Variants in USP15 observed in about 807,000 individuals in gnomAD.
The protein encoded by USP15 is ubiquitin specific peptidase 15, also known as ubiquitin carboxyl-terminal hydrolase 15.
In USP15, 18 loss-of-function variants were observed where a neutral mutation model predicts 127.1. The observed-to-expected ratio is 0.14, with a 90% CI of 0.10 to 0.21. The LOEUF is 0.21. Ranked by LOEUF, USP15 falls within the 10% of genes least tolerant of loss-of-function variation. USP15 has a pLI of 1.00. For missense variants in USP15, 805 were observed against 1,159.9 expected, an observed-to-expected ratio of 0.69 and a Z score of 4.44; for synonymous variants, 364 against 393.7, an observed-to-expected ratio of 0.92 and a Z score of 0.89.
At chr12:62,341,434 G>GT (rs2065645953) in intron 6 of USP15, among the ~76,000 whole-genome samples, 2 of 152,136 alleles carry the variant, frequency 1.3e-5, no homozygotes, top group East Asian at 1.9e-4. Context: ...ATGCTAGCTG[G>GT]TTTTTTTGCA....
intron 20 of USP15, among the ~76,000 whole-genome samples, chr12:62,399,737 C>G (rs1027427995): frequency 6.6e-6 from 1 of 152,132 alleles, no homozygotes; most frequent in Admixed American, 6.6e-5. Context: ...TGAAACATTT[C>G]TTCCACATGG....
Position 62,407,380 on chromosome 12 carries a change from A to G in USP15, c.*3005A>G, listed in dbSNP as rs1592753009. The G allele has an allele frequency of 2.0e-5, 3 of 152,194 alleles. No homozygotes were observed. Among genetic ancestry groups the G allele is most frequent in the Admixed American group, 6.5e-5 (1 of 15,272 alleles). The allele number at this position is 152,194 out of a possible 1,614,324, so 9.4% of individuals were successfully genotyped here. On this transcript the variant is annotated 3_prime_UTR_variant, in exon 22 of 22. Coordinates refer to ENST00000280377, the MANE Select transcript of USP15 (RefSeq NM_001252078.2). ...GCCTCATAGGATTGTTGAGAGCTCA[A>G]ATGAGATCATGTATTTTATGGGAAG... is the stretch of plus-strand genomic sequence containing the variant.
At chr12:62,321,993 A>C (rs2064999252) in intron 5 of USP15, among the ~76,000 whole-genome samples, 1 of 152,214 alleles carries the variant, frequency 6.6e-6, no homozygotes, top group Non-Finnish European at 1.5e-5. Flanking sequence ...TGTAGTACAC[A>C]AAAACAAGCA....
In USP15 at chr12:62,390,961, C is replaced by G. The variant is rs1274816589; in HGVS notation, c.1942C>G (p.His648Asp). ...TAATGGGAATGGCCCAAATGGCATA[C>G]ATGAAGAAGGCTCACCAAGTAAGAC... ...NINGNGPNGI[H>D]EEGSPSEMET... Residue 648 changes from histidine (H) to aspartate (D), a missense_variant, in exon 15 of 22, where the codon CAT (histidine) becomes GAT (aspartate). Physicochemically the swap from His to Asp is moderately conservative, Grantham distance 81. This residue lies in a region of USP15 where 225 missense variants were observed against 239.5 expected (regional missense o/e 0.94). Coordinates refer to ENST00000280377, the MANE Select transcript of USP15 (RefSeq NM_001252078.2). 6.2e-7 allele frequency: 1 copy of G among 1,611,950 alleles called. No individual in the cohort carries two copies. Among genetic ancestry groups the G allele is most frequent in the Non-Finnish European group, 8.5e-7 (1 of 1,178,864 alleles).
At chr12:62,371,428 G>A (rs996138871) in intron 8 of USP15, among the ~76,000 whole-genome samples, 2 of 152,042 alleles carry the variant, frequency 1.3e-5, no homozygotes, top group African/African-American at 2.4e-5. Flanking sequence ...AAGCACAGTA[G>A]AACAGTGTTT....
At chr12:62,320,138 A>G (rs1438966149) in intron 4 of USP15, among the ~76,000 whole-genome samples, 1 of 152,104 alleles carries the variant, frequency 6.6e-6, no homozygotes, top group Non-Finnish European at 1.5e-5. Context: ...AGGCTTGGCT[A>G]TGTGTTCCCA....
At chr12:62,299,037 T>C (rs765545531) in intron 2 of USP15, among the ~76,000 whole-genome samples, 1 of 152,162 alleles carries the variant, frequency 6.6e-6, no homozygotes, top group Non-Finnish European at 1.5e-5. Flanking sequence ...CCCCCCACTC[T>C]AGACAACTAC....
chr12:62,368,991 A>G (rs2066573369), intron 8 of USP15, among the ~76,000 whole-genome samples: 1 of 152,260 alleles, frequency 6.6e-6, no homozygotes, highest in Non-Finnish European at 1.5e-5. Context: ...AGCTGACTCA[A>G]CAAGCATTCA....
At chr12:62,303,196 T>A in intron 3 of USP15, 1 of 210,758 alleles carries the variant, frequency 4.7e-6, no homozygotes, top group South Asian at 1.2e-4. Context: ...AGTTAGGATC[T>A]AGTTATTTTA....
At chr12:62,343,946 C>T (rs947191947) in intron 6 of USP15, among the ~76,000 whole-genome samples, 1 of 152,126 alleles carries the variant, frequency 6.6e-6, no homozygotes, top group East Asian at 1.9e-4. Context: ...ATGATTCAGT[C>T]ATCTCCCACA....
Position 62,396,296 on chromosome 12 carries a change from G to T in USP15, c.2572G>T (p.Asp858Tyr). The change falls in exon 20 of 22, where the codon GAC becomes TAC. Residue 858 changes from aspartate to tyrosine, a missense_variant and splice_region_variant. By Grantham distance (160) the Asp-to-Tyr change is radical (BLOSUM62 -3). Coordinates refer to ENST00000280377, the MANE Select transcript of USP15 (RefSeq NM_001252078.2). ...TAACTTGGTTTCTTTTTTAAACAGT[G>T]ACTTGGATATGTCGGAATTCTTAAT... ...LDTLVDFPIN[D>Y]LDMSEFLINP... is the part of the protein sequence containing the mutation. The T allele has an allele frequency of 6.4e-7, 1 of 1,574,062 alleles. No homozygotes were observed. Among genetic ancestry groups the T allele is most frequent in the South Asian group, 1.2e-5 (1 of 84,664 alleles).
intron 4 of USP15, among the ~76,000 whole-genome samples, chr12:62,319,351 G>T (rs1459963282): frequency 6.6e-6 from 1 of 152,176 alleles, no homozygotes; most frequent in East Asian, 1.9e-4. Flanking sequence ...TGAGATTTGG[G>T]TGGGGACACA....
At chr12:62,314,141 G>A (rs1175032137) in intron 3 of USP15, 1 of 408,218 alleles carries the variant, frequency 2.4e-6, no homozygotes, top group African/African-American at 2.2e-5. Flanking sequence ...TTGCTGCATA[G>A]AATTACTAAG....
chr12:62,292,510 T>A (rs2064001917), intron 1 of USP15, among the ~76,000 whole-genome samples: 1 of 152,200 alleles, frequency 6.6e-6, no homozygotes, highest in African/African-American at 2.4e-5. Context: ...TAGCCTGCCC[T>A]CTGGTTTCTT....
At chr12:62,360,241 G>GA (rs1206397488) in intron 8 of USP15, among the ~76,000 whole-genome samples, 4 of 151,814 alleles carry the variant, frequency 2.6e-5, no homozygotes, top group Admixed American at 6.6e-5. Flanking sequence ...GGAAGTCATT[G>GA]AAAAAAATGA....
At chr12:62,391,745 C>G in intron 16 of USP15, 71 bp from the exon 17 acceptor site, 1 of 1,318,536 alleles carries the variant, frequency 7.6e-7, no homozygotes, top group South Asian at 1.5e-5. Context: ...TGGTGTATAT[C>G]CTAACATTAA....
intron 1 of USP15, among the ~76,000 whole-genome samples, chr12:62,284,637 T>TAA (rs2063739393): frequency 6.6e-6 from 1 of 152,186 alleles, no homozygotes; most frequent in Non-Finnish European, 1.5e-5. Flanking sequence ...TTACCTGTAG[T>TAA]ATTACACACA....
At chr12:62,286,830 G>A (rs752411690) in intron 1 of USP15, among the ~76,000 whole-genome samples, 17 of 151,974 alleles carry the variant, frequency 1.1e-4, no homozygotes, top group Middle Eastern at 6.8e-3. Flanking sequence ...CCGGCTACTC[G>A]GAAGGCTGAG....
Position 62,414,743 on chromosome 12 carries a change from G to A in USP15, c.*10368G>A, listed in dbSNP as rs1565930248. On this transcript the variant is annotated 3_prime_UTR_variant, in exon 22 of 22. Coordinates refer to ENST00000280377, the MANE Select transcript of USP15 (RefSeq NM_001252078.2). ...GTGTGTATTCAGGGTGCACTCAATA[G>A]GATTACATCTGGCTGGCAGTCCCTT... is the stretch of plus-strand genomic sequence containing the variant. 6.6e-6 allele frequency: 1 copy of A among 151,628 alleles called. No individual in the cohort carries two copies. The highest frequency in any genetic ancestry group is 1.5e-5 in the Non-Finnish European group (1 of 67,950). 9.4% of individuals were successfully genotyped at this position (151,628 alleles called of 1,614,324 possible).
Sources: allele counts gnomAD v4.1 joint callset (sites outside exome capture counted in the v4.1 genomes callset), GRCh38; gene constraint gnomAD v4.1.1; regional missense constraint gnomAD v4.1.1; transcripts MANE v1.5; gene names NCBI Gene and HGNC (gene_info 2026-07-23, HGNC 2026-07-21).